Variants in CABLES2 observed in about 807,000 individuals in gnomAD.
The protein encoded by CABLES2 is CDK5 and ABL1 enzyme substrate 2.
In CABLES2, 35 loss-of-function variants were observed where a neutral mutation model predicts 44.8. That is an observed-to-expected ratio of 0.78 (90% CI 0.60 to 1.04). The LOEUF (loss-of-function observed/expected upper bound fraction) is 1.04. CABLES2 is among the 50% of genes least tolerant of loss of function. CABLES2 has a pLI of 0.00. For synonymous variants in CABLES2, 282 were observed against 281.1 expected, an observed-to-expected ratio of 1.00 and a Z score of -0.03; for missense variants, 566 against 615.7, an observed-to-expected ratio of 0.92 and a Z score of 0.85.
chr20:62,388,705 A>G lies in CABLES2; in HGVS notation c.*2266T>C, dbSNP rs1018709897. On this transcript the variant is annotated 3_prime_UTR_variant, in exon 10 of 10. Coordinates refer to ENST00000279101, the MANE Select transcript of CABLES2 (RefSeq NM_031215.3). ...CAGATATCTAAGACAAAATAACTCA[A>G]ACATTCTGAGGTCTGATACTTGCTT... 1.7e-5 allele frequency: 10 copies of G among 581,592 alleles called. No individual in the cohort carries two copies. The highest frequency in any genetic ancestry group is 1.3e-4 in the Admixed American group (4 of 30,566). 36.0% of individuals were successfully genotyped at this position (581,592 alleles called of 1,614,324 possible).
At chr20:62,398,009 T>TGGTGGTGACGGTAGTGGTGGTG (rs1569017340) in intron 1 of CABLES2, among the ~76,000 whole-genome samples, 1 of 84,026 alleles carries the variant, frequency 1.2e-5, no homozygotes, top group Admixed American at 1.2e-4. Context: ...TGGTGATGGT[T>TGGTGGTGACGGTAGTGGTGGTG]ATGGCGGTGG....
chr20:62,404,667 A>T (rs1260810789), intron 1 of CABLES2: 1 of 152,444 alleles, frequency 6.6e-6, no homozygotes, highest in Admixed American at 6.5e-5. Flanking sequence ...CGAACTTGGC[A>T]GCAGAGCCCC....
chr20:62,398,094 G>GTGATGGCGA (rs1569017572), intron 1 of CABLES2, among the ~76,000 whole-genome samples: 1 of 138,946 alleles, frequency 7.2e-6, no homozygotes, highest in Admixed American at 7.1e-5. Context: ...GGTGACGGTG[G>GTGATGGCGA]TGGTGGTGGT....
intron 1 of CABLES2, among the ~76,000 whole-genome samples, chr20:62,399,536 C>CATATTGTAT: frequency 6.7e-6 from 1 of 148,688 alleles, no homozygotes. Context: ...CGTGAGCCAC[C>CATATTGTAT]ACGCCCGGCC....
chr20:62,392,861 C>A, intron 7 of CABLES2, 59 bp downstream of exon 7: 1 of 1,491,444 alleles, frequency 6.7e-7, no homozygotes, highest in Admixed American at 1.7e-5. Flanking sequence ...GCCCCACACG[C>A]CCCGAGCCAG....
Position 62,396,421 on chromosome 20 carries a change from G to A in CABLES2, c.435-14C>T. Reference sequence around the variant, plus strand: ...GTGTGTTTGGTTCTGCAAGGCAAAGGACACAGGTCACTCTTTTCCTCCCAG... The same window carrying A: ...GTGTGTTTGGTTCTGCAAGGCAAAGAACACAGGTCACTCTTTTCCTCCCAG... On this transcript the variant is annotated splice_polypyrimidine_tract_variant and intron_variant, in intron 2 of 9. Coordinates refer to ENST00000279101, the MANE Select transcript of CABLES2 (RefSeq NM_031215.3). This position sits in a 1 kb window ranked among gnomAD's most constrained non-coding sequence, Gnocchi z 5.7. 2 of 1,613,690 alleles carry A rather than the reference G, an allele frequency of 1.2e-6. No homozygotes were observed. Among genetic ancestry groups the A allele is most frequent in the Non-Finnish European group, 1.7e-6 (2 of 1,179,696 alleles).
rs376321988 is a variant in CABLES2 at position 62,390,936 on chromosome 20, C to T, written c.*35G>A. On this transcript the variant is annotated 3_prime_UTR_variant, in exon 10 of 10. Transcript: ENST00000279101. Reference sequence around the variant, plus strand: ...GGGACACCTCCCAGGCCGGCAAGTGCACCTCGGTGCCCTGAGCCTTCTGTG... The same window carrying T: ...GGGACACCTCCCAGGCCGGCAAGTGTACCTCGGTGCCCTGAGCCTTCTGTG... 6 of 1,607,912 alleles carry T rather than the reference C, an allele frequency of 3.7e-6. No individual in the cohort carries two copies. The highest frequency in any genetic ancestry group is 1.3e-5 in the African/African-American group (1 of 74,942).
intron 3 of CABLES2, among the ~76,000 whole-genome samples, chr20:62,395,709 A>G (rs1301853933): frequency 6.6e-6 from 1 of 152,170 alleles, no homozygotes; most frequent in Non-Finnish European, 1.5e-5. Context: ...GCTGTACAGG[A>G]CTGATGGGGA....
At chr20:62,398,100 G>GTGGTGGTGGTGGTGA (rs1988089086) in intron 1 of CABLES2, among the ~76,000 whole-genome samples, 1 of 139,526 alleles carries the variant, frequency 7.2e-6, no homozygotes, top group Non-Finnish European at 1.6e-5. Context: ...GGTGGTGGTG[G>GTGGTGGTGGTGGTGA]TGGTGATGGT....
At chr20:62,399,201 C>T (rs931740324) in intron 1 of CABLES2, among the ~76,000 whole-genome samples, 2 of 152,056 alleles carry the variant, frequency 1.3e-5, no homozygotes, top group African/African-American at 2.4e-5. Context: ...CCGCTGGCCT[C>T]GGCCTCCCAA....
At chr20:62,402,266 C>T (rs1384511766) in intron 1 of CABLES2, 1 of 152,270 alleles carries the variant, frequency 6.6e-6, no homozygotes, top group African/African-American at 2.4e-5. Context: ...AACACTGTTT[C>T]TAGTGTTCGG....
Position 62,393,411 on chromosome 20 carries a change from C to G in CABLES2, c.880+29G>C, listed in dbSNP as rs1987956043. ...GTTAAGGCACGCGGGTCACCCTGTT[C>G]CAGGCCGTGGTTAAGGCACGTGGGC... is the stretch of plus-strand genomic sequence containing the variant. On this transcript the variant is annotated intron_variant, in intron 6 of 9. Transcript: ENST00000279101. 3.8e-6 allele frequency: 6 copies of G among 1,565,850 alleles called. No homozygotes were observed. The Admixed American group carries it at 1.1e-4, about 29-fold the overall frequency.
intron 1 of CABLES2, among the ~76,000 whole-genome samples, chr20:62,398,142 G>A (rs1257090346): frequency 1.0e-4 from 11 of 108,418 alleles, no homozygotes; most frequent in East Asian, 9.5e-4. Flanking sequence ...GGTGGTGATG[G>A]TGGTGGTGGT....
chr20:62,398,001 G>C (rs1400518296), intron 1 of CABLES2, among the ~76,000 whole-genome samples: 1 of 109,980 alleles, frequency 9.1e-6, no homozygotes, highest in Non-Finnish European at 1.9e-5. Flanking sequence ...GGTGATGATG[G>C]TGATGGTTAT....
At chr20:62,394,042 T>C in intron 5 of CABLES2, 115 bp downstream of exon 5, 2 of 843,664 alleles carry the variant, frequency 2.4e-6, no homozygotes, top group South Asian at 1.5e-5. Context: ...CCTTGCGTTT[T>C]ACGTGGAGTG....
chr20:62,407,232 G>GCCGGGGGCCGGGC lies in CABLES2; in HGVS notation c.32_44dup (p.Ala17GlyfsTer144), dbSNP rs1370710585. 7.1e-6 allele frequency: 6 copies of GCCGGGGGCCGGGC among 850,052 alleles called. No homozygotes were observed. The highest frequency in any genetic ancestry group is 1.3e-4 in the Admixed American group (2 of 15,534). 52.7% of individuals were successfully genotyped at this position (850,052 alleles called of 1,614,324 possible). On this transcript the variant is annotated frameshift_variant, in exon 1 of 10. Coordinates refer to ENST00000279101, the MANE Select transcript of CABLES2 (RefSeq NM_031215.3). LOFTEE classifies it high-confidence loss of function. ...CGGCGGGTGGCGGGGGCCCGGCGGG[G>GCCGGGGGCCGGGC]CCGGGGGCCGGGCCCGGGGCTCCAC...
At chr20:62,402,958 C>G (rs1483578093) in intron 1 of CABLES2, 2 of 152,272 alleles carry the variant, frequency 1.3e-5, no homozygotes, top group Admixed American at 6.5e-5. Context: ...TGGACAGCAG[C>G]TTGGCGACGC....
At chr20:62,397,973 A>ATGGTGGTGGTG in intron 1 of CABLES2, among the ~76,000 whole-genome samples, 1 of 103,450 alleles carries the variant, frequency 9.7e-6, no homozygotes, top group Middle Eastern at 4.2e-3. Flanking sequence ...TGGTGGTGAC[A>ATGGTGGTGGTG]GTGGTGATGG....
At position 62,390,781 on chromosome 20, in the gene CABLES2, G is replaced by A. The variant is rs1418510631; in HGVS notation, c.*190C>T. On this transcript the variant is annotated 3_prime_UTR_variant, in exon 10 of 10. Transcript: ENST00000279101. ...TCCCCTCGGAGGGACGGTGCACTTG[G>A]GGATGAAAGCGACGTCTCTTTCCAA... 3.7e-5 allele frequency: 23 copies of A among 617,488 alleles called. No homozygotes were observed. The highest frequency in any genetic ancestry group is 6.5e-5 in the Non-Finnish European group (23 of 353,988). 38.3% of individuals were successfully genotyped at this position (617,488 alleles called of 1,614,324 possible).
Sources: allele counts gnomAD v4.1 joint callset (sites outside exome capture counted in the v4.1 genomes callset), GRCh38; gene constraint gnomAD v4.1.1; non-coding constraint Gnocchi (gnomAD v3.1); transcripts MANE v1.5; gene names NCBI Gene and HGNC (gene_info 2026-07-23, HGNC 2026-07-21).